CDH19: variants seen among roughly 807,000 people sequenced by gnomAD.
CDH19 encodes the protein cadherin-19.
A neutral mutation model predicts 64.2 loss-of-function variants in CDH19; 67 were observed. The ratio of observed to expected loss-of-function variants is 1.04; its 90% CI spans 0.86 to 1.28. The LOEUF is 1.28. CDH19 is among the 50% of genes most tolerant of loss of function. The pLI is 0.00. For missense variants in CDH19, 1,030 were observed against 929.0 expected, an observed-to-expected ratio of 1.11 and a Z score of -1.41; for synonymous variants, 346 against 319.3, an observed-to-expected ratio of 1.08 and a Z score of -0.89.
At chr18:66,576,313 C>T (rs1425590051) in intron 1 of CDH19, among the ~76,000 whole-genome samples, 1 of 151,074 alleles carries the variant, frequency 6.6e-6, no homozygotes, top group Non-Finnish European at 1.5e-5. Flanking sequence ...TATAAAGGTA[C>T]AGTAGGTAAG....
At chr18:66,521,748 C>T (rs906639298) in intron 9 of CDH19, among the ~76,000 whole-genome samples, 1 of 151,650 alleles carries the variant, frequency 6.6e-6, no homozygotes, top group African/African-American at 2.4e-5. Context: ...TGTGAAAGTC[C>T]AGTCCAGAAA....
chr18:66,558,504 G>A (rs763679933), intron 3 of CDH19, among the ~76,000 whole-genome samples: 2 of 151,328 alleles, frequency 1.3e-5, no homozygotes, highest in Non-Finnish European at 2.9e-5. Flanking sequence ...ACTTGTATTC[G>A]GCAGAAATCC....
chr18:66,601,247 TA>T (rs1989030871), intron 1 of CDH19, among the ~76,000 whole-genome samples: 1 of 151,860 alleles, frequency 6.6e-6, no homozygotes, highest in South Asian at 2.1e-4. Context: ...AATTTAACTA[TA>T]AAACAACTTA....
chr18:66,532,576 TCCC>T, intron 8 of CDH19: 1 of 325,278 alleles, frequency 3.1e-6, no homozygotes, highest in Non-Finnish European at 6.0e-6. Flanking sequence ...TTTTTCTTTG[TCCC>T]TTTGAAGCGT....
rs774065805 is a variant in CDH19 at position 66,505,056 on chromosome 18, C to T, written c.2075G>A (p.Ser692Asn). The change falls in exon 12 of 12, where the codon AGT becomes AAT. Residue 692 changes from serine to asparagine, a missense_variant. By Grantham distance (46) the Ser-to-Asn change is conservative. Transcript: ENST00000262150. ...CAGAATGAATTTCCTGAATATGGCACTGTCGGGGCCAACTTGCAAAGACTG... is the reference window on the plus strand; with the variant it reads ...CAGAATGAATTTCCTGAATATGGCATTGTCGGGGCCAACTTGCAAAGACTG... ...YRQSLQVGPDSAIFRKFILEK... is the reference protein window; with the variant it reads ...YRQSLQVGPDNAIFRKFILEK... The T allele has an allele frequency of 2.5e-6, 4 of 1,613,724 alleles. No homozygotes were observed. Among genetic ancestry groups the T allele is most frequent in the South Asian group, 1.1e-5 (1 of 91,076 alleles).
At chr18:66,588,409 T>C (rs1204293103) in intron 1 of CDH19, among the ~76,000 whole-genome samples, 1 of 151,902 alleles carries the variant, frequency 6.6e-6, no homozygotes, top group Non-Finnish European at 1.5e-5. Flanking sequence ...TAAACTATGC[T>C]GGGTAGGAAA....
At chr18:66,545,948 C>CT (rs11450520) in intron 5 of CDH19, among the ~76,000 whole-genome samples, 88,439 of 149,838 alleles carry the variant, frequency 0.59, 26,421 homozygotes, top group South Asian at 0.73. Context: ...TTGCTGGGCA[C>CT]TTTTTTTTTT....
intron 9 of CDH19, among the ~76,000 whole-genome samples, chr18:66,522,938 TTGA>T (rs1986058938): frequency 6.6e-6 from 1 of 151,714 alleles, no homozygotes; most frequent in African/African-American, 2.4e-5. Flanking sequence ...CTCTGAAAAA[TTGA>T]TACCTTTTCC....
rs766621628 is a variant in CDH19 at position 66,568,650 on chromosome 18, C to T, written c.256G>A (p.Ala86Thr). 6.2e-7 allele frequency: 1 copy of T among 1,611,296 alleles called. No individual in the cohort carries two copies. The highest frequency in any genetic ancestry group is 2.2e-5 in the East Asian group (1 of 44,810). Residue 86 changes from alanine to threonine, a missense_variant, in exon 3 of 12, where the codon GCT becomes ACT. Physicochemically the swap from Ala to Thr is moderately conservative, Grantham distance 58. Transcript: ENST00000262150. ...SFQYKLLGAG[A>T]GSTFIIDERT... ...TCATCAATGATAAAAGTACTTCCAG[C>T]TCCAGCTCCCAAAAGCTTGTACTGG... is the stretch of plus-strand genomic sequence containing the variant.
At chr18:66,532,177 C>T (rs994379521) in intron 8 of CDH19, among the ~76,000 whole-genome samples, 1 of 151,718 alleles carries the variant, frequency 6.6e-6, no homozygotes, top group Non-Finnish European at 1.5e-5. Context: ...ATGTTGGCAA[C>T]GGTGATCACA....
intron 9 of CDH19, among the ~76,000 whole-genome samples, chr18:66,529,330 A>T (rs1986344074): frequency 7.0e-6 from 1 of 142,026 alleles, no homozygotes; most frequent in Non-Finnish European, 1.5e-5. Flanking sequence ...CATGATGAAT[A>T]AAAAAAAAAA....
At chr18:66,518,778 CAT>C (rs1985850218) in intron 9 of CDH19, among the ~76,000 whole-genome samples, 1 of 152,144 alleles carries the variant, frequency 6.6e-6, no homozygotes, top group African/African-American at 2.4e-5. Context: ...TTCTCTGTGA[CAT>C]AGTCTCAGTA....
At chr18:66,537,882 T>C (rs1986735873) in intron 7 of CDH19, among the ~76,000 whole-genome samples, 1 of 152,132 alleles carries the variant, frequency 6.6e-6, no homozygotes, top group African/African-American at 2.4e-5. Flanking sequence ...AACACATCTA[T>C]ATTTATTTCC....
chr18:66,542,997 C>A (rs553829873), intron 7 of CDH19, among the ~76,000 whole-genome samples: 2 of 152,264 alleles, frequency 1.3e-5, no homozygotes, highest in African/African-American at 2.4e-5. Context: ...TTTTGAATAT[C>A]ATTTCAAGTA....
At chr18:66,590,631 G>A (rs2000682) in intron 1 of CDH19, among the ~76,000 whole-genome samples, 51,296 of 151,514 alleles carry the variant, frequency 0.34, 10,095 homozygotes, top group Non-Finnish European at 0.45. Flanking sequence ...AAGAAATACT[G>A]CTGGTGAACC....
intron 9 of CDH19, among the ~76,000 whole-genome samples, chr18:66,524,713 G>A (rs1986153843): frequency 6.6e-6 from 1 of 151,876 alleles, no homozygotes; most frequent in Non-Finnish European, 1.5e-5. Context: ...TCCATGCTGA[G>A]TCTATCACCC....
At chr18:66,601,066 T>C (rs572785962) in intron 1 of CDH19, among the ~76,000 whole-genome samples, 3 of 151,980 alleles carry the variant, frequency 2.0e-5, no homozygotes, top group Admixed American at 1.3e-4. Context: ...GACACTACTC[T>C]CTTGAAAATT....
rs549488934 is a variant in CDH19 at position 66,602,061 on chromosome 18, G to C, written c.-113+1893C>G. Among the ~76,000 whole-genome samples, 16 of 151,978 alleles carry C rather than the reference G, an allele frequency of 1.1e-4. 2 individuals are homozygous for C. The South Asian group carries it at 3.1e-3, about 30-fold the overall frequency. Reference sequence around the variant, plus strand: ...GTGATAGAAGATCATCGATGTTAAAGGAAATCGTCGTGACAACAAATTTTT... The same window carrying C: ...GTGATAGAAGATCATCGATGTTAAACGAAATCGTCGTGACAACAAATTTTT... On this transcript the variant is annotated intron_variant, in intron 1 of 11. Coordinates refer to ENST00000262150, the MANE Select transcript of CDH19 (RefSeq NM_021153.4).
intron 7 of CDH19, among the ~76,000 whole-genome samples, chr18:66,539,306 T>C (rs1356662211): frequency 1.3e-5 from 2 of 152,136 alleles, no homozygotes; most frequent in African/African-American, 4.8e-5. Context: ...TCCAATATTA[T>C]AGATTTGGAC....
Sources: allele counts gnomAD v4.1 joint callset (sites outside exome capture counted in the v4.1 genomes callset), GRCh38; gene constraint gnomAD v4.1.1; transcripts MANE v1.5; gene names NCBI Gene and HGNC (gene_info 2026-07-23, HGNC 2026-07-21).